GSK3B: variants seen among roughly 807,000 people sequenced by gnomAD.
The protein encoded by GSK3B is glycogen synthase kinase 3 beta, also known as glycogen synthase kinase-3 beta.
In GSK3B, 15 loss-of-function variants were observed where a neutral mutation model predicts 56.4. That is an observed-to-expected ratio of 0.27 (90% CI 0.18 to 0.41). The LOEUF is 0.41. Among genes scored for constraint, GSK3B ranks in the 10% least tolerant of loss-of-function variants. GSK3B has a pLI of 1.00. For synonymous variants in GSK3B, 181 were observed against 188.9 expected, an observed-to-expected ratio of 0.96 and a Z score of 0.34; for missense variants, 300 against 513.4, an observed-to-expected ratio of 0.58 and a Z score of 4.02.
intron 3 of GSK3B, among the ~76,000 whole-genome samples, chr3:119,938,893 C>T (rs1239123653): frequency 3.3e-5 from 5 of 151,926 alleles, no homozygotes; most frequent in African/African-American, 7.3e-5. Flanking sequence ...GCCAACTTCA[C>T]ATTGTCTCAG....
chr3:119,899,240 G>C (rs1203971374), intron 7 of GSK3B, among the ~76,000 whole-genome samples: 2 of 152,124 alleles, frequency 1.3e-5, no homozygotes, highest in African/African-American at 4.8e-5. Context: ...ATACTACTCA[G>C]AACAGCATGC....
chr3:119,993,333 C>G (rs529448678), intron 2 of GSK3B, among the ~76,000 whole-genome samples: 2 of 151,584 alleles, frequency 1.3e-5, no homozygotes, highest in South Asian at 4.2e-4. Context: ...AGAATGAAAA[C>G]ATAAATAATT....
intron 9 of GSK3B, among the ~76,000 whole-genome samples, chr3:119,862,164 C>T (rs1233700954): frequency 6.7e-6 from 1 of 148,592 alleles, no homozygotes; most frequent in Non-Finnish European, 1.5e-5. Flanking sequence ...GAAAATGTGG[C>T]ACATATACAC....
chr3:119,826,992 C>T, intron 10 of GSK3B, 137 bp from the exon 11 acceptor site: 2 of 622,300 alleles, frequency 3.2e-6, no homozygotes, highest in Non-Finnish European at 5.7e-6. Flanking sequence ...TTAAATAAGG[C>T]CAACACTATG....
At chr3:119,949,903 A>C (rs1164012429) in intron 2 of GSK3B, among the ~76,000 whole-genome samples, 1 of 151,824 alleles carries the variant, frequency 6.6e-6, no homozygotes. Context: ...TTAACCTATT[A>C]AGTTTTTATC....
intron 10 of GSK3B, among the ~76,000 whole-genome samples, chr3:119,836,411 C>T (rs1177323269): frequency 6.6e-6 from 1 of 152,040 alleles, no homozygotes; most frequent in Non-Finnish European, 1.5e-5. Context: ...AATAAAAATC[C>T]TAATAAATAA....
intron 3 of GSK3B, among the ~76,000 whole-genome samples, chr3:119,932,552 G>A (rs1408868037): frequency 2.7e-5 from 4 of 149,828 alleles, no homozygotes; most frequent in Non-Finnish European, 1.5e-5. Flanking sequence ...AAGAAAACAT[G>A]GGTATTTCTG....
At chr3:119,897,346 T>A (rs2056579227) in intron 7 of GSK3B, among the ~76,000 whole-genome samples, 1 of 152,160 alleles carries the variant, frequency 6.6e-6, no homozygotes, top group African/African-American at 2.4e-5. Flanking sequence ...ATTATACTAA[T>A]GTTGAGCAGT....
chr3:119,903,925 T>A (rs1385829861), intron 7 of GSK3B, among the ~76,000 whole-genome samples: 4 of 152,152 alleles, frequency 2.6e-5, no homozygotes, highest in Non-Finnish European at 5.9e-5. Flanking sequence ...ACCAGGAAAC[T>A]ACAGCCCATT....
At chr3:120,060,712 C>T (rs1175771932) in intron 1 of GSK3B, among the ~76,000 whole-genome samples, 2 of 151,856 alleles carry the variant, frequency 1.3e-5, no homozygotes, top group Non-Finnish European at 1.5e-5. Flanking sequence ...GGTGACAGAG[C>T]GAGACCCTGC....
chr3:119,998,479 G>C (rs559874262), intron 2 of GSK3B, among the ~76,000 whole-genome samples: 1 of 152,292 alleles, frequency 6.6e-6, no homozygotes, highest in East Asian at 1.9e-4. Context: ...GAGGCCCTGG[G>C]CCAGAGGTTC....
At chr3:119,990,590 A>C (rs891884146) in intron 2 of GSK3B, among the ~76,000 whole-genome samples, 1 of 152,184 alleles carries the variant, frequency 6.6e-6, no homozygotes, top group Non-Finnish European at 1.5e-5. Context: ...TCAAAAACAG[A>C]CATCATCTTT....
At chr3:119,837,321 AT>A (rs58821918) in intron 10 of GSK3B, among the ~76,000 whole-genome samples, 90,947 of 130,194 alleles carry the variant, frequency 0.7, 31,876 homozygotes, top group East Asian at 0.87. Flanking sequence ...CGCCCGGCTA[AT>A]TTTTTTTTTT....
chr3:120,089,148 G>A (rs1377015368), intron 1 of GSK3B, among the ~76,000 whole-genome samples: 1 of 152,206 alleles, frequency 6.6e-6, no homozygotes, highest in African/African-American at 2.4e-5. Context: ...ATGAGAAGAT[G>A]TCACCTCATT....
At chr3:119,953,444 T>C (rs2057177931) in intron 2 of GSK3B, among the ~76,000 whole-genome samples, 1 of 150,858 alleles carries the variant, frequency 6.6e-6, no homozygotes, top group South Asian at 2.1e-4. Flanking sequence ...ATTAATACTT[T>C]AGATTCAAAG....
chr3:120,090,194 A>G (rs960303114), intron 1 of GSK3B, among the ~76,000 whole-genome samples: 2 of 151,738 alleles, frequency 1.3e-5, no homozygotes, highest in Non-Finnish European at 2.9e-5. Context: ...AACTATTATA[A>G]CCAGGTTTCA....
At chr3:119,984,361 C>G (rs557271712) in intron 2 of GSK3B, among the ~76,000 whole-genome samples, 1 of 146,272 alleles carries the variant, frequency 6.8e-6, no homozygotes, top group African/African-American at 2.5e-5. Flanking sequence ...AAGATCAGAG[C>G]AGAACTGAAG....
At chr3:119,952,626 G>GC (rs983605508) in intron 2 of GSK3B, among the ~76,000 whole-genome samples, 1 of 144,340 alleles carries the variant, frequency 6.9e-6, no homozygotes, top group African/African-American at 2.5e-5. Flanking sequence ...CATGAGAGGA[G>GC]CAACAGAGAA....
intron 10 of GSK3B, among the ~76,000 whole-genome samples, chr3:119,838,283 T>C (rs1009967857): frequency 2.6e-5 from 4 of 151,898 alleles, no homozygotes; most frequent in African/African-American, 9.7e-5. Flanking sequence ...AGACTCTGTC[T>C]CAAAAAAAGA....
Sources: gnomAD v4.1 joint callset for allele counts (sites outside exome capture counted in the v4.1 genomes callset) on GRCh38, gnomAD v4.1.1 for gene constraint, MANE v1.5 for transcripts, NCBI Gene and HGNC (gene_info 2026-07-23, HGNC 2026-07-21) for gene names.